PIP5K1B: variants seen among roughly 807,000 people sequenced by gnomAD.
PIP5K1B encodes phosphatidylinositol-4-phosphate 5-kinase type 1 beta, also known as phosphatidylinositol 4-phosphate 5-kinase type-1 beta.
A neutral mutation model predicts 67.0 loss-of-function variants in PIP5K1B; 42 were observed. That is an observed-to-expected ratio of 0.63 (90% CI 0.49 to 0.81). PIP5K1B has a LOEUF of 0.81. Among genes scored for constraint, PIP5K1B ranks in the 30% least tolerant of loss-of-function variants. The pLI is 0.00. For synonymous variants in PIP5K1B, 214 were observed against 231.4 expected (o/e 0.92, Z 0.68); for missense variants, 459 against 646.3 (o/e 0.71, Z 3.14).
chr9:68,876,507 G>A (rs909212641), intron 5 of PIP5K1B, among the ~76,000 whole-genome samples, 170 bp from the exon 6 acceptor site: 3 of 152,122 alleles, frequency 2.0e-5, no homozygotes, highest in African/African-American at 7.2e-5. Context: ...GTCTTATTCT[G>A]CCTGGTTATC....
At chr9:68,864,508 T>C (rs549453997) in intron 5 of PIP5K1B, among the ~76,000 whole-genome samples, 113 of 152,368 alleles carry the variant, frequency 7.4e-4, no homozygotes, top group Non-Finnish European at 1.3e-3. Context: ...ATATGTTGTC[T>C]CTAGCTTTCA....
At chr9:68,807,806 G>A (rs1340688960) in intron 2 of PIP5K1B, among the ~76,000 whole-genome samples, 2 of 152,194 alleles carry the variant, frequency 1.3e-5, no homozygotes, top group Non-Finnish European at 2.9e-5. Flanking sequence ...AATAAAATGT[G>A]GACAAAAAGC....
At chr9:68,731,899 A>G (rs1465258508) in intron 1 of PIP5K1B, among the ~76,000 whole-genome samples, 1 of 152,210 alleles carries the variant, frequency 6.6e-6, no homozygotes, top group Non-Finnish European at 1.5e-5. Flanking sequence ...TGTTCACTTC[A>G]CTGTATTTCA....
chr9:68,761,943 T>C (rs564995349), intron 2 of PIP5K1B, among the ~76,000 whole-genome samples: 1 of 152,224 alleles, frequency 6.6e-6, no homozygotes, highest in African/African-American at 2.4e-5. Context: ...TTGCCATCTT[T>C]CTGAGTTTTT....
At chr9:68,901,696 G>C (rs1825362239) in intron 8 of PIP5K1B, among the ~76,000 whole-genome samples, 1 of 152,190 alleles carries the variant, frequency 6.6e-6, no homozygotes, top group Non-Finnish European at 1.5e-5. Context: ...ATAAAGCAAA[G>C]TTAAAGTTGG....
chr9:68,730,376 C>T (rs1260451575), intron 1 of PIP5K1B, among the ~76,000 whole-genome samples: 1 of 152,144 alleles, frequency 6.6e-6, no homozygotes. Flanking sequence ...AGGGTCTACT[C>T]TATGCTTCCA....
intron 2 of PIP5K1B, among the ~76,000 whole-genome samples, chr9:68,799,047 C>T (rs1832446811): frequency 6.6e-6 from 1 of 152,124 alleles, no homozygotes; most frequent in African/African-American, 2.4e-5. Context: ...TTTGCAGGGG[C>T]AGAAATAAAG....
chr9:68,951,583 G>C (rs1356006748), intron 14 of PIP5K1B, among the ~76,000 whole-genome samples: 1 of 152,132 alleles, frequency 6.6e-6, no homozygotes, highest in Non-Finnish European at 1.5e-5. Context: ...CCTTTTCCCT[G>C]TTCACCCTCC....
At position 68,748,785 on chromosome 9, in the gene PIP5K1B, T is replaced by A. The variant is rs529338110; in HGVS notation, c.-86+6128T>A. Among the ~76,000 whole-genome samples, 7 of 152,186 alleles carry A rather than the reference T, an allele frequency of 4.6e-5. No homozygotes were observed. The South Asian group carries it at 1.5e-3, about 32-fold the overall frequency. On this transcript the variant is annotated intron_variant, in intron 2 of 15. Transcript: ENST00000265382. ...ACAGGCATGTGCCACCACGCCCTGCTATTTTTAGTAGAGACGGGGTTTCAC... is the reference window on the plus strand; with the variant it reads ...ACAGGCATGTGCCACCACGCCCTGCAATTTTTAGTAGAGACGGGGTTTCAC...
rs114880204 is a variant in PIP5K1B at position 68,947,716 on chromosome 9, T to C, written c.1502+6926T>C. ...TATTCTCATGCCATTGTAATAGTACTATGTAAAGTAGCCATAAATTTTTTA... is the reference window on the plus strand; with the variant it reads ...TATTCTCATGCCATTGTAATAGTACCATGTAAAGTAGCCATAAATTTTTTA... On this transcript the variant is annotated intron_variant, in intron 14 of 15. Transcript: ENST00000265382. Among the ~76,000 whole-genome samples the C allele has an allele frequency of 6.6e-3, 1,001 of 152,364 alleles. 13 individuals carry two copies. The highest frequency in any genetic ancestry group is 0.023 in the African/African-American group (958 of 41,588).
chr9:68,766,090 T>TG (rs1383696467), intron 2 of PIP5K1B, among the ~76,000 whole-genome samples: 1 of 152,116 alleles, frequency 6.6e-6, no homozygotes, highest in Non-Finnish European at 1.5e-5. Flanking sequence ...CTATATAGAA[T>TG]GATATTGTGT....
chr9:68,919,037 TTAATTA>T (rs1826239892), intron 9 of PIP5K1B, among the ~76,000 whole-genome samples: 1 of 152,198 alleles, frequency 6.6e-6, no homozygotes, highest in African/African-American at 2.4e-5. Flanking sequence ...GAATAACTGT[TTAATTA>T]TATTTTTTCT....
intron 2 of PIP5K1B, among the ~76,000 whole-genome samples, chr9:68,771,325 T>C (rs1830661391): frequency 6.6e-6 from 1 of 152,222 alleles, no homozygotes; most frequent in African/African-American, 2.4e-5. Context: ...GCCTACACAA[T>C]TATATGGACC....
intron 2 of PIP5K1B, chr9:68,789,626 GA>G: frequency 5.5e-6 from 2 of 362,956 alleles, no homozygotes; most frequent in Non-Finnish European, 5.4e-6. Context: ...GTTTCTCCAG[GA>G]AAATATCTCC....
intron 15 of PIP5K1B, among the ~76,000 whole-genome samples, chr9:69,005,031 C>A (rs149748699): frequency 6.6e-6 from 1 of 152,072 alleles, no homozygotes; most frequent in African/African-American, 2.4e-5. Flanking sequence ...GTTGGCAGTG[C>A]TCACCCAATT....
Position 68,865,272 on chromosome 9 carries a change from G to A in PIP5K1B, c.200+1305G>A, listed in dbSNP as rs181513474. The stretch of plus-strand genomic sequence containing the variant: ...CTTTCTATAGTTGGAAATGTTCTCT[G>A]TGTTTGTTTTTAACAGCCTACCATT... On this transcript the variant is annotated intron_variant, in intron 5 of 15. Coordinates refer to ENST00000265382, the MANE Select transcript of PIP5K1B (RefSeq NM_003558.4). 6.0e-3 allele frequency among the ~76,000 whole-genome samples: 897 copies of A among 150,518 alleles called. 11 individuals carry two copies. Among genetic ancestry groups the A allele is most frequent in the African/African-American group, 0.021 (860 of 40,870 alleles).
intron 1 of PIP5K1B, among the ~76,000 whole-genome samples, chr9:68,740,727 C>T (rs2132315291): frequency 6.6e-6 from 1 of 152,328 alleles, no homozygotes; most frequent in East Asian, 1.9e-4. Flanking sequence ...TAGGTGTGCA[C>T]AGTAAGGCTT....
At chr9:68,827,272 G>A (rs1834036177) in intron 4 of PIP5K1B, among the ~76,000 whole-genome samples, 1 of 152,178 alleles carries the variant, frequency 6.6e-6, no homozygotes, top group South Asian at 2.1e-4. Flanking sequence ...ACCCTTGGGT[G>A]CTGGTTTGAG....
At chr9:68,838,097 T>G (rs1821726059) in intron 4 of PIP5K1B, among the ~76,000 whole-genome samples, 2 of 151,376 alleles carry the variant, frequency 1.3e-5, no homozygotes, top group Non-Finnish European at 1.5e-5. Flanking sequence ...GCGCATGGGA[T>G]TTTTTTTTCC....
Sources: allele counts gnomAD v4.1 joint callset (sites outside exome capture counted in the v4.1 genomes callset), GRCh38; gene constraint gnomAD v4.1.1; transcripts MANE v1.5; gene names NCBI Gene and HGNC (gene_info 2026-07-23, HGNC 2026-07-21).